NOSTRIN: variants seen among roughly 807,000 people sequenced by gnomAD.
The protein encoded by NOSTRIN is BM247 homolog.
A neutral mutation model predicts 59.0 loss-of-function variants in NOSTRIN; 63 were observed. The ratio of observed to expected loss-of-function variants is 1.07; its 90% CI spans 0.87 to 1.32. NOSTRIN has a LOEUF of 1.32. NOSTRIN is among the 40% of genes most tolerant of loss of function. The pLI, the probability that NOSTRIN is intolerant of heterozygous loss-of-function variation, is 0.00. For synonymous variants in NOSTRIN, 200 were observed against 165.4 expected (o/e 1.21, Z -1.61); for missense variants, 512 against 473.1 (o/e 1.08, Z -0.76).
chr2:168,802,504 G>A, upstream of NOSTRIN: 3 of 685,330 alleles, frequency 4.4e-6, no homozygotes, highest in East Asian at 2.8e-5. Flanking sequence ...CCAGGGCTGG[G>A]ACTTCCTCCT....
upstream of NOSTRIN, among the ~76,000 whole-genome samples, chr2:168,796,784 A>G (rs1398479406): frequency 2.0e-5 from 3 of 151,972 alleles, no homozygotes; most frequent in African/African-American, 7.2e-5. Context: ...GCCATTTCCC[A>G]TTTTAGAGTT....
At chr2:168,807,303 G>T (rs1025755648) in intron 1 of NOSTRIN, among the ~76,000 whole-genome samples, 1 of 152,092 alleles carries the variant, frequency 6.6e-6, no homozygotes, top group South Asian at 2.1e-4. Context: ...GAACTATATG[G>T]TCTCTGGAAG....
intron 7 of NOSTRIN, among the ~76,000 whole-genome samples, chr2:168,841,579 T>C (rs1221473606): frequency 6.6e-6 from 1 of 152,206 alleles, no homozygotes; most frequent in Non-Finnish European, 1.5e-5. Context: ...ACATTGGGCA[T>C]GTATCTCAGG....
At chr2:168,856,432 G>A (rs181464255) in intron 11 of NOSTRIN, 7 of 418,022 alleles carry the variant, frequency 1.7e-5, no homozygotes, top group African/African-American at 6.1e-5. Flanking sequence ...AAAATTAGCC[G>A]GACATGGTGG....
intron 5 of NOSTRIN, among the ~76,000 whole-genome samples, chr2:168,829,323 CCTTT>C (rs888312997): frequency 1.3e-5 from 2 of 150,200 alleles, no homozygotes; most frequent in African/African-American, 2.5e-5. Flanking sequence ...TCTCTCTCTC[CCTTT>C]CTTTCTTTTT....
At chr2:168,840,162 T>C (rs1052159149) in intron 7 of NOSTRIN, among the ~76,000 whole-genome samples, 5 of 151,928 alleles carry the variant, frequency 3.3e-5, no homozygotes, top group African/African-American at 9.7e-5. Flanking sequence ...AGTCCTTGCA[T>C]TGAACTGTTG....
intron 2 of NOSTRIN, among the ~76,000 whole-genome samples, chr2:168,821,434 A>T (rs550039285): frequency 6.6e-6 from 1 of 152,350 alleles, no homozygotes; most frequent in Admixed American, 6.5e-5. Flanking sequence ...CCATTCACTT[A>T]TTCATTCATT....
chr2:168,855,381 A>T lies in NOSTRIN; in HGVS notation c.885A>T (p.Lys295Asn). 6.2e-7 allele frequency: 1 copy of T among 1,606,742 alleles called. No individual in the cohort carries two copies. The change falls in exon 11 of 16, where the codon AAA (lysine) becomes AAT (asparagine). Residue 295 changes from lysine (K) to asparagine (N), a missense_variant. Physicochemically the swap from Lys to Asn is moderately conservative, Grantham distance 94 (BLOSUM62 0). Coordinates refer to ENST00000317647, the MANE Select transcript of NOSTRIN (RefSeq NM_001039724.4). ...FEEDPNSAMD[K>N]ERRKSLLKPK... ...AAGATCCTAACAGTGCAATGGATAAAGAGAGACGAAAGTCTTTACTAAAAC... is the reference window on the plus strand; with the variant it reads ...AAGATCCTAACAGTGCAATGGATAATGAGAGACGAAAGTCTTTACTAAAAC...
At chr2:168,798,325 A>G (rs1315995959), upstream of NOSTRIN, 2 of 152,220 alleles carry the variant, frequency 1.3e-5, no homozygotes, top group African/African-American at 4.8e-5. Flanking sequence ...TTTGGCTACT[A>G]AAGAAACTTC....
chr2:168,860,612 A>T (rs969521721), intron 13 of NOSTRIN, among the ~76,000 whole-genome samples, 183 bp from the exon 14 acceptor site: 2 of 151,344 alleles, frequency 1.3e-5, no homozygotes, highest in Admixed American at 6.6e-5. Flanking sequence ...TGGAGGTTGT[A>T]GTGGGCCAAG....
intron 3 of NOSTRIN, among the ~76,000 whole-genome samples, chr2:168,824,919 C>T (rs374464764): frequency 2.6e-5 from 4 of 151,888 alleles, no homozygotes; most frequent in African/African-American, 7.2e-5. Flanking sequence ...TAGCTGGGAC[C>T]ATGCCCTAAA....
upstream of NOSTRIN, among the ~76,000 whole-genome samples, chr2:168,793,582 G>A (rs891636628): frequency 6.6e-6 from 1 of 152,192 alleles, no homozygotes; most frequent in Admixed American, 6.5e-5. Context: ...CTGCACTCCA[G>A]CCTGAGTGAC....
At chr2:168,844,697 C>T (rs916444187) in intron 8 of NOSTRIN, among the ~76,000 whole-genome samples, 63 of 152,064 alleles carry the variant, frequency 4.1e-4, no homozygotes, top group African/African-American at 1.4e-3. Flanking sequence ...GGCGAAACCC[C>T]GTCTCTACTA....
intron 5 of NOSTRIN, among the ~76,000 whole-genome samples, 153 bp from the exon 6 acceptor site, chr2:168,831,319 A>G (rs903205093): frequency 1.2e-4 from 18 of 152,150 alleles, no homozygotes; most frequent in African/African-American, 4.1e-4. Flanking sequence ...ACCCTCATGA[A>G]CTAATCATTT....
At chr2:168,812,440 T>A (rs1559108021) in intron 2 of NOSTRIN, among the ~76,000 whole-genome samples, 1 of 152,198 alleles carries the variant, frequency 6.6e-6, no homozygotes, top group Non-Finnish European at 1.5e-5. Flanking sequence ...TTCTTTTCTG[T>A]CGCTTTTCAA....
chr2:168,864,856 GA>G lies in NOSTRIN; in HGVS notation c.1413del (p.Glu472LysfsTer9), dbSNP rs752189148. 6.2e-7 allele frequency: 1 copy of G among 1,613,856 alleles called. No homozygotes were observed. The highest frequency in any genetic ancestry group is 1.1e-5 in the South Asian group (1 of 91,074). On this transcript the variant is annotated frameshift_variant, in exon 16 of 16. Transcript: ENST00000317647. LOFTEE classifies it high-confidence loss of function. The stretch of plus-strand genomic sequence containing the variant: ...CAGGTGACATTGTGATTATACACGA[GA>G]AAAAAGAAGGAGGATGGTGGTTTGG... Reference protein sequence around the residue: ...EKGDIVIIHEKKEGGWWFGSL... With the variant: ...EKGDIVIIHEXKEGGWWFGSL...
chr2:168,843,172 A>G, intron 8 of NOSTRIN, 55 bp downstream of exon 8: 1 of 833,900 alleles, frequency 1.2e-6, no homozygotes, highest in Non-Finnish European at 2.1e-6. Context: ...TGTGACCTTG[A>G]AGATGGAGGT....
intron 2 of NOSTRIN, among the ~76,000 whole-genome samples, chr2:168,821,823 C>T (rs2105597960): frequency 6.6e-6 from 1 of 152,332 alleles, no homozygotes; most frequent in Middle Eastern, 3.4e-3. Context: ...GTAGAATCAG[C>T]CAAGTGGTGC....
intron 3 of NOSTRIN, among the ~76,000 whole-genome samples, chr2:168,827,883 C>T (rs568096335): frequency 1.3e-5 from 2 of 152,054 alleles, no homozygotes; most frequent in African/African-American, 4.8e-5. Flanking sequence ...AGTGCCACCA[C>T]ACCTGGCCAT....
Sources: gnomAD v4.1 joint callset for allele counts (sites outside exome capture counted in the v4.1 genomes callset) on GRCh38, gnomAD v4.1.1 for gene constraint, MANE v1.5 for transcripts, NCBI Gene and HGNC (gene_info 2026-07-23, HGNC 2026-07-21) for gene names.